The following MAP9 variants were observed in gnomAD, a reference collection of about 807,000 sequenced individuals.
MAP9 encodes microtubule associated protein 9, also known as microtubule-associated protein 9.
MAP9 carries 80 observed loss-of-function variants against 75.2 expected under a neutral mutation model. That is an observed-to-expected ratio of 1.06 (90% CI 0.89 to 1.28). The LOEUF (loss-of-function observed/expected upper bound fraction) is 1.28. MAP9 is among the 50% of genes most tolerant of loss of function. The pLI is 0.00. For synonymous variants in MAP9, 235 were observed against 237.3 expected (o/e 0.99, Z 0.09); for missense variants, 753 against 719.9 (o/e 1.05, Z -0.53).
Position 155,355,087 on chromosome 4 carries a change from C to T in MAP9, c.1364G>A (p.Arg455Lys), listed in dbSNP as rs1731707983. 1 of 1,405,638 alleles carries T rather than the reference C, an allele frequency of 7.1e-7. No homozygotes were observed. The highest frequency in any genetic ancestry group is 9.6e-7 in the Non-Finnish European group (1 of 1,037,802). 87.1% of individuals were successfully genotyped at this position (1,405,638 alleles called of 1,614,324 possible). The change falls in exon 10 of 14, where the codon AGG becomes AAG. Residue 455 changes from arginine to lysine, a missense_variant. Physicochemically the swap from Arg to Lys is conservative, Grantham distance 26. Coordinates refer to ENST00000311277, the MANE Select transcript of MAP9 (RefSeq NM_001039580.2). ...RIKRIESENL[R>K]IQNEQKKAAK... is the part of the protein sequence containing the mutation. ...TCAGAATACCTGTTCATTTTGGATCCTTAAGTTTTCACTTTCAATTCTTTT... is the reference window on the plus strand; with the variant it reads ...TCAGAATACCTGTTCATTTTGGATCTTTAAGTTTTCACTTTCAATTCTTTT...
At chr4:155,352,289 T>C in intron 13 of MAP9, 1 of 262,472 alleles carries the variant, frequency 3.8e-6, no homozygotes, top group South Asian at 4.4e-5. Flanking sequence ...CTTTCTATGT[T>C]AGATGTGAGA....
At position 155,355,395 on chromosome 4, in the gene MAP9, A is replaced by G. The variant is rs77345264; in HGVS notation, c.1291-235T>C. 8.6e-3 allele frequency among the ~76,000 whole-genome samples: 1,314 copies of G among 152,148 alleles called. 20 individuals carry two copies. The highest frequency in any genetic ancestry group is 0.028 in the African/African-American group (1,176 of 41,448). On this transcript the variant is annotated intron_variant, in intron 9 of 13. Coordinates refer to ENST00000311277, the MANE Select transcript of MAP9 (RefSeq NM_001039580.2). The stretch of plus-strand genomic sequence containing the variant: ...AAAATTTAATAACTTTTTGTTCATA[A>G]TAACTCCTTTTGTTCATATAAACTT...
At position 155,344,807 on chromosome 4, in the gene MAP9, A is replaced by T. The variant is rs550919693; in HGVS notation, c.*2976T>A. ...TTTAAATTCTGTATACTACTTTATT[A>T]TTTAGTATTAATATTTAAATTTATC... On this transcript the variant is annotated 3_prime_UTR_variant, in exon 14 of 14. Transcript: ENST00000311277. 2 of 151,998 alleles carry T rather than the reference A, an allele frequency of 1.3e-5. No homozygotes were observed. Among genetic ancestry groups the T allele is most frequent in the Non-Finnish European group, 2.9e-5 (2 of 67,846 alleles). The allele number at this position is 151,998 out of a possible 1,614,324, so 9.4% of individuals were successfully genotyped here. A position where few individuals can be genotyped will look rare whatever the true frequency, so the allele number is the denominator to read the frequency against.
Position 155,375,915 on chromosome 4 carries a change from C to A in MAP9, c.-64-1G>T. The A allele has an allele frequency of 9.7e-7, 1 of 1,028,890 alleles. No homozygotes were observed. The allele number at this position is 1,028,890 out of a possible 1,614,324, so 63.7% of individuals were successfully genotyped here. On this transcript the variant is annotated splice_acceptor_variant, in intron 1 of 13. Coordinates refer to ENST00000311277, the MANE Select transcript of MAP9 (RefSeq NM_001039580.2). LOFTEE classifies it low-confidence loss of function (5UTR_SPLICE). ...ATTAGAATTCAACTTCTGATAGTAG[C>A]TGAAATATACAAAACAAATCAGACT...
chr4:155,361,267 AAAG>A (rs576683639), intron 6 of MAP9: 1 of 152,058 alleles, frequency 6.6e-6, no homozygotes, highest in South Asian at 2.1e-4. Context: ...TGTTCAGTGA[AAAG>A]AACAAGAACT....
intron 5 of MAP9, 163 bp downstream of exon 5, chr4:155,368,423 A>G: frequency 1.5e-6 from 1 of 652,308 alleles, no homozygotes; most frequent in Non-Finnish European, 2.7e-6. Flanking sequence ...GACTCGGTGG[A>G]ATACAGTGTA....
intron 5 of MAP9, among the ~76,000 whole-genome samples, chr4:155,364,231 A>G (rs1397672561): frequency 6.6e-6 from 1 of 152,064 alleles, no homozygotes; most frequent in Non-Finnish European, 1.5e-5. Context: ...AGAAGAATAC[A>G]ATCACATCAA....
At chr4:155,348,359 T>C (rs758014638) in intron 13 of MAP9, among the ~76,000 whole-genome samples, 5 of 151,442 alleles carry the variant, frequency 3.3e-5, no homozygotes, top group Non-Finnish European at 7.4e-5. Flanking sequence ...AAACAAAAAA[T>C]GGAAACAAGA....
At position 155,346,897 on chromosome 4, in the gene MAP9, C is replaced by G. The variant is rs1731305773; in HGVS notation, c.*886G>C. The G allele has an allele frequency of 6.6e-6, 1 of 152,574 alleles. No homozygotes were observed. The highest frequency in any genetic ancestry group is 2.1e-4 in the South Asian group (1 of 4,824). 9.5% of individuals were successfully genotyped at this position (152,574 alleles called of 1,614,324 possible). A position where few individuals can be genotyped will look rare whatever the true frequency, so the allele number is the denominator to read the frequency against. On this transcript the variant is annotated 3_prime_UTR_variant, in exon 14 of 14. Transcript: ENST00000311277. The stretch of plus-strand genomic sequence containing the variant: ...TGGACATTGTCAACATATTTACCTT[C>G]CCATACAGCTGTCTGCTGAATATAA...
At position 155,368,763 on chromosome 4, in the gene MAP9, C is replaced by A; in HGVS notation, c.531G>T (p.Arg177=). 6.2e-7 allele frequency: 1 copy of A among 1,613,930 alleles called. No homozygotes were observed. Among genetic ancestry groups the A allele is most frequent in the Non-Finnish European group, 8.5e-7 (1 of 1,179,864 alleles). ...DTDDHFKPSP[R]PRSMLKKKSH... ...TTTTCTTTTTCAACATACTCCTTGG[C>A]CGAGGTGATGGTTTAAAGTGATCAT... The change falls in exon 5 of 14, where the codon CGG becomes CGT. Residue 177 remains arginine (R), a synonymous_variant. Coordinates refer to ENST00000311277, the MANE Select transcript of MAP9 (RefSeq NM_001039580.2).
At chr4:155,361,032 T>G (rs1208837030) in intron 6 of MAP9, 2 of 152,118 alleles carry the variant, frequency 1.3e-5, no homozygotes, top group Non-Finnish European at 2.9e-5. Flanking sequence ...GATTCAGTTT[T>G]GCATTTATAG....
chr4:155,353,654 T>C (rs1731628905), intron 10 of MAP9, among the ~76,000 whole-genome samples: 3 of 152,030 alleles, frequency 2.0e-5, no homozygotes, highest in Non-Finnish European at 4.4e-5. Flanking sequence ...CAAAATAAAC[T>C]GTAATAGGCT....
In MAP9 at chr4:155,373,157, A is replaced by G; in HGVS notation, c.460T>C (p.Ser154Pro). The G allele has an allele frequency of 6.4e-7, 1 of 1,561,658 alleles. No individual in the cohort carries two copies. Among genetic ancestry groups the G allele is most frequent in the Non-Finnish European group, 8.7e-7 (1 of 1,154,744 alleles). Reference protein sequence around the residue: ...IKMKPKPRILSIKSTSSAENN... With the variant: ...IKMKPKPRILPIKSTSSAENN... ...TTACCTGAAGATGTGCTTTTAATTG[A>G]AAGAATTCTGGGTTTAGGTTTCATT... is the stretch of plus-strand genomic sequence containing the variant. The change falls in exon 4 of 14, where the codon TCA (serine) becomes CCA (proline). Residue 154 changes from serine to proline, a missense_variant. By Grantham distance (74) the Ser-to-Pro change is moderately conservative. Transcript: ENST00000311277.
chr4:155,345,647 A>T lies in MAP9; in HGVS notation c.*2136T>A, dbSNP rs1731258563. The T allele has an allele frequency of 6.6e-6, 1 of 152,140 alleles. No homozygotes were observed. Among genetic ancestry groups the T allele is most frequent in the Admixed American group, 6.6e-5 (1 of 15,254 alleles). 9.4% of individuals were successfully genotyped at this position (152,140 alleles called of 1,614,324 possible). A position where few individuals can be genotyped will look rare whatever the true frequency, so the allele number is the denominator to read the frequency against. On this transcript the variant is annotated 3_prime_UTR_variant, in exon 14 of 14. Transcript: ENST00000311277. ...GACAACAATGAACATTTAAGTCCTT[A>T]TTATGTGTCAAATAGTTTACATTAA... is the stretch of plus-strand genomic sequence containing the variant.
chr4:155,348,746 T>C (rs1274896401), intron 13 of MAP9, among the ~76,000 whole-genome samples: 1 of 152,198 alleles, frequency 6.6e-6, no homozygotes, highest in East Asian at 1.9e-4. Context: ...CTTTAATTTT[T>C]AGTAATTTGT....
At chr4:155,354,556 C>T (rs749469653) in intron 10 of MAP9, among the ~76,000 whole-genome samples, 22 of 151,238 alleles carry the variant, frequency 1.5e-4, no homozygotes, top group Non-Finnish European at 2.5e-4. Flanking sequence ...CTCCGCCTCC[C>T]GGGTTCAAGT....
chr4:155,354,545 C>T (rs1731677521), intron 10 of MAP9, among the ~76,000 whole-genome samples: 2 of 147,046 alleles, frequency 1.4e-5, no homozygotes, highest in East Asian at 2.1e-4. Context: ...CTAACTGCAA[C>T]CTCCGCCTCC....
At chr4:155,374,276 T>G (rs779308253) in intron 3 of MAP9, among the ~76,000 whole-genome samples, 70 of 151,898 alleles carry the variant, frequency 4.6e-4, no homozygotes, top group Admixed American at 8.5e-4. Flanking sequence ...GAGGTGGAGG[T>G]TGCAGTGAGC....
intron 3 of MAP9, among the ~76,000 whole-genome samples, chr4:155,374,664 T>C (rs538011504): frequency 4.3e-4 from 66 of 152,308 alleles, no homozygotes; most frequent in African/African-American, 1.5e-3. Context: ...CTGGCAGCCA[T>C]CCTTTTACTG....
Sources: gnomAD v4.1 joint callset for allele counts (sites outside exome capture counted in the v4.1 genomes callset) on GRCh38, gnomAD v4.1.1 for gene constraint, MANE v1.5 for transcripts, NCBI Gene and HGNC (gene_info 2026-07-23, HGNC 2026-07-21) for gene names.